SLC2A13: variants seen among roughly 807,000 people sequenced by gnomAD.
SLC2A13 encodes solute carrier family 2 member 13.
A neutral mutation model predicts 64.4 loss-of-function variants in SLC2A13; 32 were observed. That is an observed-to-expected ratio of 0.50 (90% CI 0.37 to 0.67). SLC2A13 has a LOEUF of 0.67. Ranked by LOEUF, SLC2A13 falls within the 30% of genes least tolerant of loss-of-function variation. SLC2A13 has a pLI of 0.00. For missense variants in SLC2A13, 743 were observed against 829.2 expected (o/e 0.90, Z 1.28); for synonymous variants, 338 against 327.1 (o/e 1.03, Z -0.36).
chr12:39,964,150 G>GA (rs1946464167), intron 3 of SLC2A13, among the ~76,000 whole-genome samples: 1 of 152,048 alleles, frequency 6.6e-6, no homozygotes, highest in Admixed American at 6.6e-5. Flanking sequence ...ATATAAAAAT[G>GA]AACTGAACAT....
intron 3 of SLC2A13, among the ~76,000 whole-genome samples, chr12:39,971,577 A>C (rs1325521173): frequency 1.3e-5 from 2 of 152,138 alleles, no homozygotes; most frequent in African/African-American, 4.8e-5. Flanking sequence ...ACAGGGAGTA[A>C]ATTCATAGTG....
At chr12:40,022,655 G>A (rs975342380) in intron 3 of SLC2A13, among the ~76,000 whole-genome samples, 2 of 152,200 alleles carry the variant, frequency 1.3e-5, no homozygotes, top group South Asian at 2.1e-4. Flanking sequence ...TGGCCAACGC[G>A]GTGAAACCCC....
chr12:40,029,023 C>G (rs763920913), intron 2 of SLC2A13, among the ~76,000 whole-genome samples: 3 of 152,044 alleles, frequency 2.0e-5, no homozygotes, highest in African/African-American at 4.8e-5. Context: ...ATTTTGCCAT[C>G]AAGCATCATG....
chr12:40,073,775 T>C (rs1201818476), intron 1 of SLC2A13, among the ~76,000 whole-genome samples: 1 of 151,712 alleles, frequency 6.6e-6, no homozygotes, highest in Admixed American at 6.6e-5. Flanking sequence ...ATAGATAATA[T>C]ATAATATTAT....
chr12:39,957,799 C>T (rs28370694), intron 3 of SLC2A13, among the ~76,000 whole-genome samples: 2 of 152,116 alleles, frequency 1.3e-5, no homozygotes, highest in Admixed American at 6.6e-5. Flanking sequence ...GGCCAAGAAT[C>T]CCCTAGTTCC....
rs187542312 is a variant in SLC2A13, at chr12:39,856,803, C to A, written c.1319+7959G>T. On this transcript the variant is annotated intron_variant, in intron 6 of 9. Coordinates refer to ENST00000280871, the MANE Select transcript of SLC2A13 (RefSeq NM_052885.4). Reference sequence around the variant, plus strand: ...TGGGAAATACTCCAACTTAACATACCAGAGTGTTTTAAGTGTTAATAGCTG... The same window carrying A: ...TGGGAAATACTCCAACTTAACATACAAGAGTGTTTTAAGTGTTAATAGCTG... 2.0e-5 allele frequency among the ~76,000 whole-genome samples: 3 copies of A among 152,276 alleles called. No homozygotes were observed. The East Asian group carries it at 5.8e-4, about 29-fold the overall frequency.
intron 1 of SLC2A13, among the ~76,000 whole-genome samples, chr12:40,078,866 T>G (rs928717376): frequency 3.9e-5 from 6 of 152,202 alleles, no homozygotes; most frequent in African/African-American, 1.4e-4. Flanking sequence ...CTTGAGAGGT[T>G]TTACATTTCC....
chr12:39,785,270 C>CT (rs983206862), intron 7 of SLC2A13, among the ~76,000 whole-genome samples: 7 of 152,156 alleles, frequency 4.6e-5, no homozygotes, highest in Non-Finnish European at 8.8e-5. Flanking sequence ...ACTTGGTGCC[C>CT]TGTGTCCCAG....
At chr12:39,841,857 C>A (rs1329884436) in intron 6 of SLC2A13, among the ~76,000 whole-genome samples, 1 of 151,918 alleles carries the variant, frequency 6.6e-6, no homozygotes, top group East Asian at 1.9e-4. Flanking sequence ...TGCAAACAGA[C>A]CAAGTAAGTC....
chr12:39,969,581 A>G (rs11174535), intron 3 of SLC2A13, among the ~76,000 whole-genome samples: 14,015 of 152,126 alleles, frequency 0.092, 795 homozygotes, highest in East Asian at 0.2. Flanking sequence ...TGTGTTTTTT[A>G]GCTGCATAAA....
At chr12:39,995,593 G>A (rs1357901154) in intron 3 of SLC2A13, among the ~76,000 whole-genome samples, 1 of 152,098 alleles carries the variant, frequency 6.6e-6, no homozygotes, top group Non-Finnish European at 1.5e-5. Context: ...TATAAAAGTA[G>A]GCATACAAAT....
In SLC2A13 at chr12:40,099,542, A is replaced by C. The variant is rs562854275; in HGVS notation, c.556+5711T>G. 2.6e-5 allele frequency among the ~76,000 whole-genome samples: 4 copies of C among 152,348 alleles called. No homozygotes were observed. The East Asian group carries it at 7.7e-4, about 29-fold the overall frequency. ...TTACTTTAAGTTTATAATCCATAAG[A>C]GGGCAAAATGGATGAATGAAAAAGC... On this transcript the variant is annotated intron_variant, in intron 1 of 9. Coordinates refer to ENST00000280871, the MANE Select transcript of SLC2A13 (RefSeq NM_052885.4).
chr12:39,870,989 T>C (rs1413672105), intron 5 of SLC2A13, among the ~76,000 whole-genome samples: 1 of 152,212 alleles, frequency 6.6e-6, no homozygotes, highest in Non-Finnish European at 1.5e-5. Context: ...AACTATCTTT[T>C]AATGGAAAAA....
chr12:39,918,301 A>G (rs1393803894), intron 4 of SLC2A13, among the ~76,000 whole-genome samples: 1 of 151,986 alleles, frequency 6.6e-6, no homozygotes, highest in East Asian at 1.9e-4. Context: ...GATGTAACTA[A>G]ATTTTTTTTG....
chr12:39,775,732 A>G (rs1293537987), intron 7 of SLC2A13, among the ~76,000 whole-genome samples: 2 of 152,206 alleles, frequency 1.3e-5, no homozygotes, highest in African/African-American at 4.8e-5. Flanking sequence ...AGTGACTGGA[A>G]ATATAAAAAA....
rs375283609 is a variant in SLC2A13 at position 39,864,743 on chromosome 12, G to C, written c.1319+19C>G. 15 of 1,611,140 alleles carry C rather than the reference G, an allele frequency of 9.3e-6. No individual in the cohort carries two copies. Among genetic ancestry groups the C allele is most frequent in the South Asian group, 1.1e-5 (1 of 90,402 alleles). On this transcript the variant is annotated intron_variant, in intron 6 of 9. Coordinates refer to ENST00000280871, the MANE Select transcript of SLC2A13 (RefSeq NM_052885.4). ...TTACCAGAGTCATGTAAAGGAAGAA[G>C]AACATAATGGAATCTCACCTGTATC...
intron 4 of SLC2A13, among the ~76,000 whole-genome samples, chr12:39,932,104 T>C (rs1945834637): frequency 6.6e-6 from 1 of 152,162 alleles, no homozygotes; most frequent in Non-Finnish European, 1.5e-5. Context: ...CACATTTTCT[T>C]CCATGCTGCT....
At chr12:39,871,137 G>T (rs981896349) in intron 5 of SLC2A13, among the ~76,000 whole-genome samples, 7 of 151,938 alleles carry the variant, frequency 4.6e-5, no homozygotes, top group Non-Finnish European at 8.8e-5. Context: ...AAATATGTGG[G>T]TCTCATTCTA....
At chr12:39,979,578 G>A (rs1488522405) in intron 3 of SLC2A13, among the ~76,000 whole-genome samples, 8 of 148,648 alleles carry the variant, frequency 5.4e-5, no homozygotes, top group South Asian at 2.2e-4. Context: ...TATCAGCAAC[G>A]GAAGATGAAA....
Sources: allele counts gnomAD v4.1 joint callset (sites outside exome capture counted in the v4.1 genomes callset), GRCh38; gene constraint gnomAD v4.1.1; transcripts MANE v1.5; gene names NCBI Gene and HGNC (gene_info 2026-07-23, HGNC 2026-07-21).